The following ADAMTS15 variants were observed in gnomAD, a reference collection of about 807,000 sequenced individuals.
The protein encoded by ADAMTS15 is ADAM metallopeptidase with thrombospondin type 1 motif 15.
ADAMTS15 carries 35 observed loss-of-function variants against 79.1 expected under a neutral mutation model. That is an observed-to-expected ratio of 0.44 (90% CI 0.34 to 0.59). The LOEUF (loss-of-function observed/expected upper bound fraction) is 0.59. Among genes scored for constraint, ADAMTS15 ranks in the 20% least tolerant of loss-of-function variants. ADAMTS15 has a pLI of 0.02. For synonymous variants in ADAMTS15, 616 were observed against 567.3 expected (o/e 1.09, Z -1.22); for missense variants, 1,324 against 1,318.7 (o/e 1.00, Z -0.06).
In ADAMTS15 at chr11:130,473,437, C is replaced by T. The variant is rs1053831547; in HGVS notation, c.2469C>T (p.Asn823=). 4.3e-6 allele frequency: 7 copies of T among 1,612,646 alleles called. No individual in the cohort carries two copies. The highest frequency in any genetic ancestry group is 5.9e-6 in the Non-Finnish European group (7 of 1,179,976). ...KDPRGPSVLH[N]SVLSLSNQVE... ...CCCGGGGACCCTCTGTCTTGCACAA[C>T]AGCGTCCTCAGCCTCTCCAACCAGG... is the stretch of plus-strand genomic sequence containing the variant. The change falls in exon 8 of 8, where the codon AAC becomes AAT. Residue 823 remains asparagine (N), a synonymous_variant. Coordinates refer to ENST00000299164, the MANE Select transcript of ADAMTS15 (RefSeq NM_139055.4).
At chr11:130,458,446 C>G (rs1186501281) in intron 1 of ADAMTS15, among the ~76,000 whole-genome samples, 1 of 152,220 alleles carries the variant, frequency 6.6e-6, no homozygotes, top group African/African-American at 2.4e-5. Flanking sequence ...AGAGCGAGTG[C>G]TGTCAACTAC....
intron 1 of ADAMTS15, among the ~76,000 whole-genome samples, chr11:130,457,673 T>G (rs1436986708): frequency 6.6e-6 from 1 of 152,180 alleles, no homozygotes; most frequent in Non-Finnish European, 1.5e-5. Context: ...TTCTGTTTTT[T>G]GGAGGCAAGC....
At chr11:130,450,339 G>T in intron 1 of ADAMTS15, 1 of 985,462 alleles carries the variant, frequency 1.0e-6, no homozygotes, top group Non-Finnish European at 1.2e-6. Flanking sequence ...GAGTCTTCTC[G>T]GACACCTCCT....
Position 130,449,473 on chromosome 11 carries a change from C to T in ADAMTS15, c.500C>T (p.Ser167Phe), listed in dbSNP as rs1937912506. 6.4e-7 allele frequency: 1 copy of T among 1,566,100 alleles called. No individual in the cohort carries two copies. Among genetic ancestry groups the T allele is most frequent in the Non-Finnish European group, 8.6e-7 (1 of 1,159,550 alleles). ...LQRRGVPGGP[S>F]GDPTSRCGVA... Reference sequence around the variant, plus strand: ...CGCCGGGGTGTTCCGGGCGGGCCTTCCGGAGACCCCACCTCTCGCTGCGGG... The same window carrying T: ...CGCCGGGGTGTTCCGGGCGGGCCTTTCGGAGACCCCACCTCTCGCTGCGGG... The change falls in exon 1 of 8, where the codon TCC (serine) becomes TTC (phenylalanine). Residue 167 changes from serine to phenylalanine, a missense_variant. Coordinates refer to ENST00000299164, the MANE Select transcript of ADAMTS15 (RefSeq NM_139055.4). The surrounding 1 kb of genome is among the most constrained non-coding windows in gnomAD (Gnocchi z 7.8).
At chr11:130,470,168 A>AGATG (rs1289468941) in intron 5 of ADAMTS15, among the ~76,000 whole-genome samples, 1 of 58,688 alleles carries the variant, frequency 1.7e-5, no homozygotes, top group Non-Finnish European at 3.2e-5. Context: ...ATATATATAT[A>AGATG]TATATATATA....
chr11:130,455,003 A>G (rs1592144293), intron 1 of ADAMTS15, among the ~76,000 whole-genome samples: 1 of 151,838 alleles, frequency 6.6e-6, no homozygotes, highest in African/African-American at 2.4e-5. Flanking sequence ...ACGTGGCATG[A>G]TGGAAAGAAC....
At position 130,474,004 on chromosome 11, in the gene ADAMTS15, A is replaced by C. The variant is rs547851398; in HGVS notation, c.*183A>C. 1.2e-6 allele frequency: 1 copy of C among 851,902 alleles called. No individual in the cohort carries two copies. The highest frequency in any genetic ancestry group is 2.7e-5 in the East Asian group (1 of 37,128). The allele number at this position is 851,902 out of a possible 1,614,324, so 52.8% of individuals were successfully genotyped here. On this transcript the variant is annotated 3_prime_UTR_variant, in exon 8 of 8. Coordinates refer to ENST00000299164, the MANE Select transcript of ADAMTS15 (RefSeq NM_139055.4). The stretch of plus-strand genomic sequence containing the variant: ...CCTCCTCCCTGGACTGGGCAGAGGG[A>C]AGCCCAGGAACTCCCGCACAGTCTA...
intron 1 of ADAMTS15, among the ~76,000 whole-genome samples, chr11:130,454,742 A>G (rs1938038374): frequency 6.6e-6 from 1 of 152,188 alleles, no homozygotes; most frequent in African/African-American, 2.4e-5. Context: ...GTCGTGCAGG[A>G]TGAGTGCTCG....
chr11:130,470,154 G>GTATATA lies in ADAMTS15; in HGVS notation c.1720+737_1721-739dup, dbSNP rs869166777. Reference sequence around the variant, plus strand: ...TATACATATATATATATATATATGTGTATATATATATATATATATATATAT... The same window carrying GTATATA: ...TATACATATATATATATATATATGTGTATATATATATATATATATATATATATATAT... On this transcript the variant is annotated intron_variant, in intron 5 of 7. Coordinates refer to ENST00000299164, the MANE Select transcript of ADAMTS15 (RefSeq NM_139055.4). 2.2e-3 allele frequency among the ~76,000 whole-genome samples: 120 copies of GTATATA among 55,544 alleles called. 1 individual carries two copies. The highest frequency in any genetic ancestry group is 3.8e-3 in the Admixed American group (18 of 4,752). 36.4% of individuals were successfully genotyped at this position (55,544 alleles called of 152,430 possible).
intron 2 of ADAMTS15, 106 bp from the exon 3 acceptor site, chr11:130,461,981 G>A: frequency 7.5e-7 from 1 of 1,324,930 alleles, no homozygotes. Context: ...GCAATGACCA[G>A]CCTGAAAACC....
chr11:130,471,771 C>T (rs906875988), intron 7 of ADAMTS15, among the ~76,000 whole-genome samples: 1 of 152,188 alleles, frequency 6.6e-6, no homozygotes, highest in Middle Eastern at 3.2e-3. Context: ...TAGATGTCCC[C>T]ACTTGTAAAG....
At chr11:130,460,753 G>A (rs1176115398) in intron 1 of ADAMTS15, among the ~76,000 whole-genome samples, 3 of 152,214 alleles carry the variant, frequency 2.0e-5, no homozygotes, top group Non-Finnish European at 2.9e-5. Flanking sequence ...AATACTTCCT[G>A]TCAGGGTTTT....
chr11:130,470,133 C>CACAT (rs1938393613), intron 5 of ADAMTS15, among the ~76,000 whole-genome samples: 3 of 74,820 alleles, frequency 4.0e-5, no homozygotes, highest in Non-Finnish European at 7.5e-5. Flanking sequence ...TATATATATA[C>CACAT]ATATATATAT....
chr11:130,470,206 A>ATGTG (rs1938420900), intron 5 of ADAMTS15, among the ~76,000 whole-genome samples: 1 of 64,030 alleles, frequency 1.6e-5, no homozygotes, highest in African/African-American at 7.7e-5. Context: ...ATATATATAT[A>ATGTG]TATGTATATA....
Position 130,473,411 on chromosome 11 carries a change from C to A in ADAMTS15, c.2443C>A (p.Pro815Thr). The A allele has an allele frequency of 2.5e-6, 4 of 1,612,804 alleles. No homozygotes were observed. Among genetic ancestry groups the A allele is most frequent in the Non-Finnish European group, 3.4e-6 (4 of 1,180,000 alleles). ...GGACAAGTCCTCTCATCCCAAGGAC[C>A]CCCGGGGACCCTCTGTCTTGCACAA... ...REDKSSHPKD[P>T]RGPSVLHNSV... is the part of the protein sequence containing the mutation. Residue 815 changes from proline to threonine, a missense_variant, in exon 8 of 8, where the codon CCC (proline) becomes ACC (threonine). Pro to Thr is a conservative substitution (Grantham distance 38, BLOSUM62 -1). Coordinates refer to ENST00000299164, the MANE Select transcript of ADAMTS15 (RefSeq NM_139055.4).
rs1938588656 is a variant in ADAMTS15, at chr11:130,476,444, C to T, written c.*2623C>T. 6.6e-6 allele frequency: 1 copy of T among 152,138 alleles called. No homozygotes were observed. Among genetic ancestry groups the T allele is most frequent in the Non-Finnish European group, 1.5e-5 (1 of 68,072 alleles). The allele number at this position is 152,138 out of a possible 1,614,324, so 9.4% of individuals were successfully genotyped here. ...TGAGTGTCCCTAGCCTGGCAGTTGG[C>T]TCCCGGAAGCACTAGACACTGACAC... On this transcript the variant is annotated 3_prime_UTR_variant, in exon 8 of 8. Transcript: ENST00000299164.
chr11:130,473,013 C>T (rs1349111020), intron 7 of ADAMTS15, 34 bp from the exon 8 acceptor site: 1 of 1,607,272 alleles, frequency 6.2e-7, no homozygotes, highest in South Asian at 1.1e-5. Flanking sequence ...GTCCAGGCTT[C>T]TATCTGATGC....
chr11:130,456,347 A>G (rs1938080036), intron 1 of ADAMTS15, among the ~76,000 whole-genome samples: 2 of 151,832 alleles, frequency 1.3e-5, no homozygotes, highest in Admixed American at 1.3e-4. Context: ...TGAGGTAATT[A>G]TTATTGTTTT....
chr11:130,473,744 C>T lies in ADAMTS15; in HGVS notation c.2776C>T (p.Arg926Trp), dbSNP rs61743322. Residue 926 changes from arginine (R) to tryptophan (W), a missense_variant, in exon 8 of 8, where the codon CGG becomes TGG. By Grantham distance (101) the Arg-to-Trp change is moderately radical. Transcript: ENST00000299164. ...ACTCAAGTGTGTGGGCCACGGAGGC[C>T]GGCTGCTGGCCCGGGACCAGTGCAA... ...RSLKCVGHGGRLLARDQCNLH... is the reference protein window; with the variant it reads ...RSLKCVGHGGWLLARDQCNLH... The T allele has an allele frequency of 5.9e-5, 94 of 1,599,378 alleles. No individual in the cohort carries two copies. Among genetic ancestry groups the T allele is most frequent in the Non-Finnish European group, 7.1e-5 (84 of 1,179,874 alleles).
Sources: allele counts gnomAD v4.1 joint callset (sites outside exome capture counted in the v4.1 genomes callset), GRCh38; gene constraint gnomAD v4.1.1; non-coding constraint Gnocchi (gnomAD v3.1); transcripts MANE v1.5; gene names NCBI Gene and HGNC (gene_info 2026-07-23, HGNC 2026-07-21).